FRAS1: variants seen among roughly 807,000 people sequenced by gnomAD.
The protein encoded by FRAS1 is extracellular matrix organizing protein FRAS1.
Under a neutral mutation model 435.2 loss-of-function variants are expected in FRAS1, and 290 were observed. The ratio of observed to expected loss-of-function variants is 0.67; its 90% CI spans 0.61 to 0.73. The LOEUF is 0.73. Among genes scored for constraint, FRAS1 ranks in the 30% least tolerant of loss-of-function variants. FRAS1 has a pLI of 0.00. For synonymous variants in FRAS1, 1,800 were observed against 1,851.0 expected (o/e 0.97, Z 0.71); for missense variants, 4,860 against 5,001.5 (o/e 0.97, Z 0.85).
At chr4:78,511,144 A>G in intron 63 of FRAS1, 130 bp from the exon 64 acceptor site, 3 of 756,332 alleles carry the variant, frequency 4.0e-6, no homozygotes, top group Non-Finnish European at 6.4e-6. Context: ...TACGTGATGA[A>G]TGAATGAATA....
At chr4:78,287,816 G>A (rs1353227889) in intron 14 of FRAS1, among the ~76,000 whole-genome samples, 1 of 152,182 alleles carries the variant, frequency 6.6e-6, no homozygotes, top group Non-Finnish European at 1.5e-5. Context: ...TGGAAACCAT[G>A]TTGAAAGGAA....
chr4:78,086,133 G>A (rs1347650763), intron 2 of FRAS1, among the ~76,000 whole-genome samples: 2 of 152,072 alleles, frequency 1.3e-5, no homozygotes, highest in Admixed American at 6.6e-5. Context: ...ACTCAAAACT[G>A]CTCAACTACA....
intron 14 of FRAS1, among the ~76,000 whole-genome samples, chr4:78,287,334 G>A (rs980762740): frequency 1.3e-5 from 2 of 152,142 alleles, no homozygotes; most frequent in African/African-American, 4.8e-5. Flanking sequence ...ATTTGAGTCA[G>A]GACACAGAGC....
intron 14 of FRAS1, among the ~76,000 whole-genome samples, chr4:78,299,772 G>A (rs375801337): frequency 1.1e-4 from 16 of 152,234 alleles, no homozygotes; most frequent in African/African-American, 3.9e-4. Context: ...TTGGAAGTCT[G>A]ACCCCTGTTG....
chr4:78,534,619 A>T lies in FRAS1; in HGVS notation c.11092+4A>T, dbSNP rs1177277025. 1 of 1,611,808 alleles carries T rather than the reference A, an allele frequency of 6.2e-7. No individual in the cohort carries two copies. The highest frequency in any genetic ancestry group is 1.7e-4 in the Middle Eastern group (1 of 6,044). On this transcript the variant is annotated splice_donor_region_variant and intron_variant, in intron 71 of 73. Transcript: ENST00000512123. ...TACAAAGGAGCCTTTTCAAAAGGTGAGTTGCTTCCTCCACCTGCAGAAAGA... is the reference window on the plus strand; with the variant it reads ...TACAAAGGAGCCTTTTCAAAAGGTGTGTTGCTTCCTCCACCTGCAGAAAGA...
At chr4:78,424,194 A>G (rs1733910661) in intron 34 of FRAS1, among the ~76,000 whole-genome samples, 194 bp from the exon 35 acceptor site, 1 of 152,222 alleles carries the variant, frequency 6.6e-6, no homozygotes, top group South Asian at 2.1e-4. Flanking sequence ...CCTTTTTGCT[A>G]TTTAAAATTA....
intron 2 of FRAS1, among the ~76,000 whole-genome samples, chr4:78,113,099 T>C (rs1365597751): frequency 2.0e-5 from 3 of 152,206 alleles, no homozygotes; most frequent in Non-Finnish European, 4.4e-5. Flanking sequence ...ATCCTTGCGA[T>C]AGTTTGCTGA....
rs535930539 is a variant in FRAS1 at position 78,136,440 on chromosome 4, C to A, written c.108+70424C>A. Among the ~76,000 whole-genome samples the A allele has an allele frequency of 1.4e-4, 22 of 152,206 alleles. No homozygotes were observed. In the South Asian group the frequency reaches 4.6e-3, roughly 32 times the overall value. On this transcript the variant is annotated intron_variant, in intron 2 of 73. Coordinates refer to ENST00000512123, the MANE Select transcript of FRAS1 (RefSeq NM_025074.7). ...AAATTGTGGCCACTAGGAGAATTCT[C>A]AATTACGGAATCCATGCATAATGAG...
intron 69 of FRAS1, among the ~76,000 whole-genome samples, chr4:78,525,198 A>G (rs1721492719): frequency 6.6e-6 from 1 of 152,206 alleles, no homozygotes. Flanking sequence ...CAGGGTTTGA[A>G]TAGAGCTAGT....
chr4:78,252,415 T>A lies in FRAS1; in HGVS notation c.333T>A (p.Ser111=), dbSNP rs1300692934. 1.9e-6 allele frequency: 3 copies of A among 1,613,638 alleles called. No individual in the cohort carries two copies. Among genetic ancestry groups the A allele is most frequent in the East Asian group, 2.2e-5 (1 of 44,864 alleles). The change falls in exon 5 of 74, where the codon TCT becomes TCA. Residue 111 remains serine, a synonymous_variant. Transcript: ENST00000512123. ...AGCATGGGACAGAATGGGCCTCTTCTCCATGTAGTGTGTGCTCTTGCAATC... is the reference window on the plus strand; with the variant it reads ...AGCATGGGACAGAATGGGCCTCTTCACCATGTAGTGTGTGCTCTTGCAATC... ...IHEHGTEWAS[S]PCSVCSCNHG...
intron 2 of FRAS1, among the ~76,000 whole-genome samples, chr4:78,129,102 C>T (rs1719544950): frequency 6.6e-6 from 1 of 152,160 alleles, no homozygotes; most frequent in African/African-American, 2.4e-5. Flanking sequence ...CTGTTCTATT[C>T]CATCGGTCTA....
chr4:78,156,307 A>C (rs1219868784), intron 2 of FRAS1, among the ~76,000 whole-genome samples: 1 of 151,788 alleles, frequency 6.6e-6, no homozygotes, highest in Non-Finnish European at 1.5e-5. Flanking sequence ...GTGCTCTTTT[A>C]ATCGAAAGTC....
intron 41 of FRAS1, among the ~76,000 whole-genome samples, 165 bp downstream of exon 41, chr4:78,441,462 A>T (rs1165636033): frequency 6.6e-6 from 1 of 152,190 alleles, no homozygotes; most frequent in African/African-American, 2.4e-5. Flanking sequence ...ACAAAAATTT[A>T]ATGAGCATTT....
Position 78,266,726 on chromosome 4 carries a change from G to A in FRAS1, c.688-108G>A. ...CATTTCTCAAGAGTACATTCAATGTGGCTCATCTTACAAATGTAATGAAAA... is the reference window on the plus strand; with the variant it reads ...CATTTCTCAAGAGTACATTCAATGTAGCTCATCTTACAAATGTAATGAAAA... On this transcript the variant is annotated intron_variant, in intron 7 of 73. Transcript: ENST00000512123. 3.9e-6 allele frequency: 3 copies of A among 761,508 alleles called. No homozygotes were observed. The South Asian group carries it at 4.6e-5, about 12-fold the overall frequency. The allele number at this position is 761,508 out of a possible 1,614,324, so 47.2% of individuals were successfully genotyped here.
intron 2 of FRAS1, among the ~76,000 whole-genome samples, chr4:78,100,671 C>T (rs1302703814): frequency 6.6e-6 from 1 of 152,208 alleles, no homozygotes; most frequent in Non-Finnish European, 1.5e-5. Context: ...AGCTTTTGAA[C>T]AAGGCACTCT....
chr4:78,081,500 C>CT (rs1740893906), intron 2 of FRAS1, among the ~76,000 whole-genome samples: 1 of 152,096 alleles, frequency 6.6e-6, no homozygotes, highest in Non-Finnish European at 1.5e-5. Context: ...CATGTGAACT[C>CT]CCCCTATCCA....
At chr4:78,208,867 C>G (rs1206268736) in intron 2 of FRAS1, among the ~76,000 whole-genome samples, 2 of 152,030 alleles carry the variant, frequency 1.3e-5, no homozygotes, top group African/African-American at 2.4e-5. Flanking sequence ...TTGGGCGCAT[C>G]AGATCACACC....
chr4:78,197,517 A>T lies in FRAS1; in HGVS notation c.109-39993A>T, dbSNP rs368265754. Reference sequence around the variant, plus strand: ...ATCTTCTCAAGGGATGCATGGCCTTATGAAAGGATTCTAATGTAGAAAAGC... The same window carrying T: ...ATCTTCTCAAGGGATGCATGGCCTTTTGAAAGGATTCTAATGTAGAAAAGC... On this transcript the variant is annotated intron_variant, in intron 2 of 73. Transcript: ENST00000512123. Among the ~76,000 whole-genome samples the T allele has an allele frequency of 9.3e-4, 142 of 152,356 alleles. 1 individual carries two copies. Among genetic ancestry groups the T allele is most frequent in the African/African-American group, 3.4e-3 (140 of 41,576 alleles).
At chr4:78,413,533 C>T (rs1487521457) in intron 32 of FRAS1, among the ~76,000 whole-genome samples, 1 of 152,142 alleles carries the variant, frequency 6.6e-6, no homozygotes, top group Non-Finnish European at 1.5e-5. Flanking sequence ...AATGCTGAAT[C>T]CAGAAAGATA....
Sources: gnomAD v4.1 joint callset for allele counts (sites outside exome capture counted in the v4.1 genomes callset) on GRCh38, gnomAD v4.1.1 for gene constraint, MANE v1.5 for transcripts, NCBI Gene and HGNC (gene_info 2026-07-23, HGNC 2026-07-21) for gene names.